Variants in METTL15 observed in about 807,000 individuals in gnomAD.
METTL15 encodes methyltransferase 15, mitochondrial 12S rRNA N4-cytidine.
A neutral mutation model predicts 38.3 loss-of-function variants in METTL15; 34 were observed. That is an observed-to-expected ratio of 0.89 (90% CI 0.68 to 1.18). The LOEUF (loss-of-function observed/expected upper bound fraction) is 1.18. METTL15 is among the 50% of genes most tolerant of loss of function. METTL15 has a pLI of 0.00. For missense variants in METTL15, 438 were observed against 498.4 expected, an observed-to-expected ratio of 0.88 and a Z score of 1.15; for synonymous variants, 162 against 170.9, an observed-to-expected ratio of 0.95 and a Z score of 0.41.
intron 4 of METTL15, among the ~76,000 whole-genome samples, chr11:28,241,394 C>T (rs1438901724): frequency 1.3e-5 from 2 of 151,860 alleles, no homozygotes; most frequent in Non-Finnish European, 2.9e-5. Context: ...ATTAGCTGGG[C>T]ATGGTGGCGG....
chr11:28,296,737 C>G lies in METTL15; in HGVS notation c.600-16C>G, dbSNP rs745970005. The G allele has an allele frequency of 6.2e-7, 1 of 1,611,420 alleles. No homozygotes were observed. Among genetic ancestry groups the G allele is most frequent in the Non-Finnish European group, 8.5e-7 (1 of 1,178,800 alleles). On this transcript the variant is annotated splice_polypyrimidine_tract_variant and intron_variant, in intron 5 of 6. Coordinates refer to ENST00000407364, the MANE Select transcript of METTL15 (RefSeq NM_001113528.2). ...GAACTGATGTCAGTGAACTAATTGG[C>G]TCTTCTTGTGCGTAGGTACCCTGAC...
intron 5 of METTL15, among the ~76,000 whole-genome samples, chr11:28,292,225 C>T (rs1856546765): frequency 8.8e-6 from 1 of 114,164 alleles, no homozygotes; most frequent in Non-Finnish European, 1.7e-5. Context: ...CACCCCACAA[C>T]AGGCCCCAGT....
chr11:28,177,687 T>C (rs970609301), intron 3 of METTL15, among the ~76,000 whole-genome samples: 1 of 151,980 alleles, frequency 6.6e-6, no homozygotes, highest in African/African-American at 2.4e-5. Context: ...AATTTATTAA[T>C]TTTCATGATT....
At chr11:28,111,188 T>C (rs1368558914) in intron 2 of METTL15, among the ~76,000 whole-genome samples, 2 of 152,212 alleles carry the variant, frequency 1.3e-5, no homozygotes, top group Non-Finnish European at 2.9e-5. Flanking sequence ...ATTCAGGCTT[T>C]GTGCCTTGAC....
At chr11:28,386,306 A>C (rs1022996761) in intron 5 of METTL15, among the ~76,000 whole-genome samples, 8 of 152,016 alleles carry the variant, frequency 5.3e-5, no homozygotes, top group South Asian at 4.1e-4. Context: ...GGCTGAATGG[A>C]TAAAAACAAA....
intron 3 of METTL15, among the ~76,000 whole-genome samples, chr11:28,210,232 G>C (rs1163096167): frequency 1.3e-5 from 2 of 151,948 alleles, no homozygotes; most frequent in Non-Finnish European, 2.9e-5. Context: ...TTGTACTTAA[G>C]TACATCCTAT....
At chr11:28,439,180 G>T (rs540028771) in intron 6 of METTL15, among the ~76,000 whole-genome samples, 1 of 152,202 alleles carries the variant, frequency 6.6e-6, no homozygotes, top group African/African-American at 2.4e-5. Context: ...AACAATTTTA[G>T]AATCCATAGA....
intron 4 of METTL15, among the ~76,000 whole-genome samples, chr11:28,253,508 C>G (rs1006243369): frequency 1.4e-4 from 22 of 152,080 alleles, no homozygotes; most frequent in African/African-American, 5.3e-4. Context: ...AAGTTATTGA[C>G]TATAGTCACC....
chr11:28,388,715 G>T (rs61890879), intron 5 of METTL15, among the ~76,000 whole-genome samples: 4 of 151,882 alleles, frequency 2.6e-5, no homozygotes, highest in African/African-American at 9.7e-5. Flanking sequence ...ACTTTTAGGG[G>T]ACATATGCAC....
intron 6 of METTL15, among the ~76,000 whole-genome samples, chr11:28,311,886 A>G (rs1203981949): frequency 1.3e-5 from 2 of 152,230 alleles, no homozygotes; most frequent in East Asian, 1.9e-4. Context: ...CAGACTTCCT[A>G]TACCAGTAGC....
chr11:28,195,815 T>C (rs1253764565), intron 3 of METTL15, among the ~76,000 whole-genome samples: 1 of 152,162 alleles, frequency 6.6e-6, no homozygotes. Context: ...TTTTCTTAGG[T>C]TTTCTTCTAG....
At chr11:28,183,681 C>T (rs1305035465) in intron 3 of METTL15, among the ~76,000 whole-genome samples, 8 of 151,904 alleles carry the variant, frequency 5.3e-5, no homozygotes, top group African/African-American at 1.4e-4. Flanking sequence ...TGAGGATTTT[C>T]GCATTGAAGT....
chr11:28,345,337 C>T (rs998730789), intron 3 of METTL15, among the ~76,000 whole-genome samples: 11 of 152,028 alleles, frequency 7.2e-5, no homozygotes, highest in Non-Finnish European at 8.8e-5. Context: ...TACAGGCGTG[C>T]GCCACCACGC....
At chr11:28,262,972 A>T (rs1301234685) in intron 4 of METTL15, among the ~76,000 whole-genome samples, 2 of 152,098 alleles carry the variant, frequency 1.3e-5, no homozygotes, top group East Asian at 3.8e-4. Flanking sequence ...AATGTTTATG[A>T]GTAGAGTACT....
At chr11:28,309,578 C>A (rs1857203901) in intron 6 of METTL15, among the ~76,000 whole-genome samples, 1 of 152,160 alleles carries the variant, frequency 6.6e-6, no homozygotes. Context: ...ATTTTTATCA[C>A]CATCCTCTAG....
At chr11:28,500,075 A>G (rs1438650927) in intron 6 of METTL15, among the ~76,000 whole-genome samples, 1 of 151,556 alleles carries the variant, frequency 6.6e-6, no homozygotes, top group Non-Finnish European at 1.5e-5. Context: ...ATAATCAAAT[A>G]CCAAGATGAA....
chr11:28,462,343 G>T (rs1264928395), intron 6 of METTL15, among the ~76,000 whole-genome samples: 1 of 151,948 alleles, frequency 6.6e-6, no homozygotes, highest in East Asian at 1.9e-4. Context: ...GAATCTAGGA[G>T]GTGTGAGTAA....
chr11:28,133,116 G>A (rs1849392449), intron 3 of METTL15, among the ~76,000 whole-genome samples: 1 of 152,052 alleles, frequency 6.6e-6, no homozygotes, highest in African/African-American at 2.4e-5. Flanking sequence ...TCTGATTTAA[G>A]AAAAAGACGA....
intron 6 of METTL15, among the ~76,000 whole-genome samples, chr11:28,511,986 C>T (rs529626843): frequency 6.6e-6 from 1 of 152,216 alleles, no homozygotes; most frequent in South Asian, 2.1e-4. Context: ...CAAAGGTTCT[C>T]CACGTCCCCA....
Sources: allele counts gnomAD v4.1 joint callset (sites outside exome capture counted in the v4.1 genomes callset), GRCh38; gene constraint gnomAD v4.1.1; transcripts MANE v1.5; gene names NCBI Gene and HGNC (gene_info 2026-07-23, HGNC 2026-07-21).